Variants in AUTS2 observed in about 807,000 individuals in gnomAD.
The protein encoded by AUTS2 is autism susceptibility gene 2 protein.
A neutral mutation model predicts 112.4 loss-of-function variants in AUTS2; 17 were observed. The ratio of observed to expected loss-of-function variants is 0.15; its 90% CI spans 0.10 to 0.23. AUTS2 has a LOEUF of 0.23. Ranked by LOEUF, AUTS2 falls within the 10% of genes least tolerant of loss-of-function variation. AUTS2 has a pLI of 1.00. For synonymous variants in AUTS2, 751 were observed against 702.7 expected (o/e 1.07, Z -1.09); for missense variants, 1,510 against 1,701.6 (o/e 0.89, Z 1.98).
intron 6 of AUTS2, among the ~76,000 whole-genome samples, chr7:70,700,090 G>A (rs1323976019): frequency 1.3e-5 from 2 of 152,222 alleles, no homozygotes; most frequent in Non-Finnish European, 2.9e-5. Flanking sequence ...CCACTGCCCT[G>A]AAAGATTGTC....
At chr7:69,984,510 G>GAT (rs1428414965) in intron 2 of AUTS2, among the ~76,000 whole-genome samples, 1 of 151,884 alleles carries the variant, frequency 6.6e-6, no homozygotes, top group Non-Finnish European at 1.5e-5. Context: ...TGGTGGAGGA[G>GAT]TTATTAGGAC....
intron 1 of AUTS2, among the ~76,000 whole-genome samples, chr7:69,644,808 T>C (rs1350998860): frequency 6.6e-6 from 1 of 152,178 alleles, no homozygotes. Flanking sequence ...AGTATATATG[T>C]AGTATATATT....
chr7:70,343,241 G>T (rs1011708173), intron 4 of AUTS2, among the ~76,000 whole-genome samples: 2 of 152,212 alleles, frequency 1.3e-5, no homozygotes, highest in African/African-American at 4.8e-5. Context: ...AAAGGGTAAA[G>T]TTAACAACCT....
intron 5 of AUTS2, among the ~76,000 whole-genome samples, chr7:70,545,834 A>G (rs762930938): frequency 3.9e-5 from 6 of 152,158 alleles, no homozygotes; most frequent in Non-Finnish European, 8.8e-5. Flanking sequence ...ATCAAGCATC[A>G]GTTCTTCCGA....
At chr7:69,619,680 G>A (rs972584040) in intron 1 of AUTS2, among the ~76,000 whole-genome samples, 3 of 151,936 alleles carry the variant, frequency 2.0e-5, no homozygotes, top group East Asian at 3.9e-4. Flanking sequence ...CTCCATCCCC[G>A]TCTGCCCACT....
intron 4 of AUTS2, among the ~76,000 whole-genome samples, chr7:70,148,245 C>T (rs1807241214): frequency 6.6e-6 from 1 of 152,004 alleles, no homozygotes; most frequent in Non-Finnish European, 1.5e-5. Context: ...TTTTTGGATT[C>T]TGGGGTGTCA....
intron 11 of AUTS2, among the ~76,000 whole-genome samples, chr7:70,773,314 CCA>C (rs1790477727): frequency 6.6e-6 from 1 of 152,104 alleles, no homozygotes; most frequent in South Asian, 2.1e-4. Context: ...GAATCCTTTC[CCA>C]CTAGAAATAG....
At chr7:70,617,227 T>A (rs1019191265) in intron 5 of AUTS2, among the ~76,000 whole-genome samples, 1 of 152,178 alleles carries the variant, frequency 6.6e-6, no homozygotes, top group African/African-American at 2.4e-5. Context: ...TTGCAGACAC[T>A]TACTTCGCAT....
intron 4 of AUTS2, chr7:70,291,042 G>A (rs1562855246): frequency 6.6e-6 from 1 of 152,066 alleles, no homozygotes; most frequent in Non-Finnish European, 1.5e-5. Flanking sequence ...GTATTTATCT[G>A]CCTAAATACA....
chr7:70,458,643 T>C (rs1359688195), intron 5 of AUTS2, among the ~76,000 whole-genome samples: 1 of 152,204 alleles, frequency 6.6e-6, no homozygotes, highest in African/African-American at 2.4e-5. Context: ...GGAGGCATGT[T>C]CCACCTCCCT....
intron 2 of AUTS2, among the ~76,000 whole-genome samples, chr7:70,092,253 A>G (rs1200305599): frequency 1.3e-5 from 2 of 152,152 alleles, no homozygotes; most frequent in Non-Finnish European, 2.9e-5. Flanking sequence ...CGTAAACTTA[A>G]TTATCGCAGG....
chr7:70,355,962 CT>C (rs1791991852), intron 4 of AUTS2, among the ~76,000 whole-genome samples: 2 of 152,110 alleles, frequency 1.3e-5, no homozygotes, highest in South Asian at 4.1e-4. Flanking sequence ...TAGTAAAGAC[CT>C]TAATTGGTCT....
intron 1 of AUTS2, among the ~76,000 whole-genome samples, chr7:69,718,584 G>A (rs1490874008): frequency 1.3e-5 from 2 of 152,094 alleles, no homozygotes; most frequent in African/African-American, 4.8e-5. Flanking sequence ...AAGAACCCTT[G>A]ATTACATTGG....
chr7:70,784,873 G>A, intron 15 of AUTS2, 69 bp from the exon 16 acceptor site: 1 of 1,447,626 alleles, frequency 6.9e-7, no homozygotes, highest in Non-Finnish European at 9.7e-7. Context: ...CCTTAAGCAA[G>A]TAGAAGCCGG....
intron 1 of AUTS2, among the ~76,000 whole-genome samples, chr7:69,626,701 A>T (rs899088187): frequency 2.0e-5 from 3 of 152,222 alleles, no homozygotes; most frequent in Non-Finnish European, 4.4e-5. Flanking sequence ...TGATATAACC[A>T]ATTATTGGAT....
chr7:70,685,301 C>T (rs1376423898), intron 5 of AUTS2, among the ~76,000 whole-genome samples: 3 of 151,568 alleles, frequency 2.0e-5, no homozygotes, highest in Non-Finnish European at 2.9e-5. Context: ...GGTGAAATCC[C>T]GCCTCTACTA....
chr7:70,718,888 C>T (rs1216336703), intron 6 of AUTS2, among the ~76,000 whole-genome samples: 3 of 151,962 alleles, frequency 2.0e-5, no homozygotes, highest in African/African-American at 7.3e-5. Flanking sequence ...AGAGTGAAAT[C>T]GACTGTTTCT....
chr7:69,985,674 GT>G (rs756116623), intron 2 of AUTS2, among the ~76,000 whole-genome samples: 8 of 151,958 alleles, frequency 5.3e-5, no homozygotes, highest in South Asian at 4.2e-4. Context: ...CATGTGGTGG[GT>G]TCCATTCTGT....
At chr7:70,762,357 G>C (rs557676269) in intron 6 of AUTS2, among the ~76,000 whole-genome samples, 26 of 152,066 alleles carry the variant, frequency 1.7e-4, no homozygotes, top group Non-Finnish European at 3.2e-4. Context: ...GGGTGCTCTT[G>C]AACTCCTGGG....
Sources: gnomAD v4.1 joint callset for allele counts (sites outside exome capture counted in the v4.1 genomes callset) on GRCh38, gnomAD v4.1.1 for gene constraint, MANE v1.5 for transcripts, NCBI Gene and HGNC (gene_info 2026-07-23, HGNC 2026-07-21) for gene names.